The following PIWIL4 variants were observed in gnomAD, a reference collection of about 807,000 sequenced individuals.
PIWIL4 encodes the protein piwi-like protein 4.
Under a neutral mutation model 100.9 loss-of-function variants are expected in PIWIL4, and 50 were observed. The observed-to-expected ratio is 0.50, with a 90% confidence interval of 0.39 to 0.63. PIWIL4 has a LOEUF of 0.63. Ranked by LOEUF, PIWIL4 falls within the 20% of genes least tolerant of loss-of-function variation. The pLI, the probability that PIWIL4 is intolerant of heterozygous loss-of-function variation, is 0.00. For missense variants in PIWIL4, 887 were observed against 1,043.3 expected (o/e 0.85, Z 2.06); for synonymous variants, 342 against 367.5 (o/e 0.93, Z 0.79).
In PIWIL4 at chr11:94,602,958, T is replaced by G. The variant is rs535171050; in HGVS notation, c.1565+979T>G. On this transcript the variant is annotated intron_variant, in intron 12 of 19. Transcript: ENST00000299001. ...ATCCTGGGCTGACATCACAGGCTCT[T>G]TCTCATGTGAATTCTGGAACAAGCC... is the stretch of plus-strand genomic sequence containing the variant. Among the ~76,000 whole-genome samples, 8 of 152,354 alleles carry G rather than the reference T, an allele frequency of 5.3e-5. No homozygotes were observed. The East Asian group carries it at 1.5e-3, about 29-fold the overall frequency.
At position 94,611,443 on chromosome 11, in the gene PIWIL4, T is replaced by C. The variant is rs1203904566; in HGVS notation, c.1943+2757T>C. Among the ~76,000 whole-genome samples the C allele has an allele frequency of 2.6e-5, 4 of 152,354 alleles. No homozygotes were observed. The East Asian group carries it at 7.7e-4, about 29-fold the overall frequency. On this transcript the variant is annotated intron_variant, in intron 15 of 19. Coordinates refer to ENST00000299001, the MANE Select transcript of PIWIL4 (RefSeq NM_152431.3). ...TTGCTGCATCCCATAAGTTTTAGTA[T>C]GTTGTGTTTCTATATTTCAATTTTG...
intron 3 of PIWIL4, 87 bp from the exon 4 acceptor site, chr11:94,577,191 A>C: frequency 4.5e-6 from 5 of 1,102,112 alleles, no homozygotes; most frequent in Non-Finnish European, 6.6e-6. Flanking sequence ...TACTATGCAT[A>C]GGCAAATACA....
At chr11:94,603,929 G>T in intron 12 of PIWIL4, 55 bp from the exon 13 acceptor site, 4 of 1,066,576 alleles carry the variant, frequency 3.8e-6, no homozygotes, top group Non-Finnish European at 5.7e-6. Flanking sequence ...TGCCATATAA[G>T]TATGTGCTAC....
Position 94,589,218 on chromosome 11 carries a change from G to T in PIWIL4, c.1012G>T (p.Asp338Tyr), listed in dbSNP as rs1396815965. 2.5e-6 allele frequency: 4 copies of T among 1,601,800 alleles called. No individual in the cohort carries two copies. Among genetic ancestry groups the T allele is most frequent in the Non-Finnish European group, 3.4e-6 (4 of 1,168,976 alleles). The change falls in exon 8 of 20, where the codon GAT becomes TAT. Residue 338 changes from aspartate to tyrosine, a missense_variant. Physicochemically the swap from Asp to Tyr is radical, Grantham distance 160 (BLOSUM62 -3). Coordinates refer to ENST00000299001, the MANE Select transcript of PIWIL4 (RefSeq NM_152431.3). ...KRDGTEITYV[D>Y]YYKQQYDITV... ...GGATGGCACCGAGATCACCTATGTGGATTACTACAAGCAGGTAGGACTTTT... is the reference window on the plus strand; with the variant it reads ...GGATGGCACCGAGATCACCTATGTGTATTACTACAAGCAGGTAGGACTTTT...
At chr11:94,608,828 C>A (rs964783167) in intron 15 of PIWIL4, 142 bp downstream of exon 15, 9 of 719,282 alleles carry the variant, frequency 1.3e-5, no homozygotes, top group Non-Finnish European at 2.1e-5. Flanking sequence ...ATTACACTTA[C>A]ATATAAAAAT....
rs117874900 is a variant in PIWIL4, at chr11:94,604,763, T to C, written c.1638+707T>C. Among the ~76,000 whole-genome samples the C allele has an allele frequency of 1.3e-3, 200 of 152,324 alleles. 2 individuals are homozygous for C. In the East Asian group the frequency reaches 0.03, roughly 23 times the overall value. ...TCCTGTCCATTCCATCTACCCTTCT[T>C]ACCTCCCTCGCTCACTCAGTTCAAC... On this transcript the variant is annotated intron_variant, in intron 13 of 19. Coordinates refer to ENST00000299001, the MANE Select transcript of PIWIL4 (RefSeq NM_152431.3).
intron 1 of PIWIL4, among the ~76,000 whole-genome samples, chr11:94,568,206 A>C (rs1370125897): frequency 9.2e-5 from 14 of 151,988 alleles, no homozygotes; most frequent in Non-Finnish European, 1.8e-4. Flanking sequence ...TCTTCTCTGG[A>C]CTTTGTTCAT....
chr11:94,574,712 G>C (rs117436641), intron 2 of PIWIL4, among the ~76,000 whole-genome samples: 388 of 152,160 alleles, frequency 2.5e-3, no homozygotes, highest in Non-Finnish European at 4.1e-3. Flanking sequence ...TAACTCCTGA[G>C]CTCAAGCGAT....
At chr11:94,614,386 A>C (rs1185698666) in intron 15 of PIWIL4, among the ~76,000 whole-genome samples, 2 of 143,884 alleles carry the variant, frequency 1.4e-5, no homozygotes, top group Admixed American at 7.1e-5. Context: ...CAGCTCACTG[A>C]AACCTCTGCC....
At chr11:94,604,816 C>G (rs1365446144) in intron 13 of PIWIL4, among the ~76,000 whole-genome samples, 1 of 152,150 alleles carries the variant, frequency 6.6e-6, no homozygotes, top group Non-Finnish European at 1.5e-5. Flanking sequence ...TTATGTCATG[C>G]AAACTAACTG....
At chr11:94,568,691 C>T in intron 1 of PIWIL4, 39 bp from the exon 2 acceptor site, 1 of 1,466,584 alleles carries the variant, frequency 6.8e-7, no homozygotes, top group Non-Finnish European at 9.6e-7. Flanking sequence ...TGTGACTTAC[C>T]ATTGTAAATC....
intron 8 of PIWIL4, among the ~76,000 whole-genome samples, chr11:94,589,947 T>C (rs527844782): frequency 3.9e-4 from 60 of 152,374 alleles, no homozygotes; most frequent in African/African-American, 1.4e-3. Context: ...TGATGGAATC[T>C]GTTGCTGCCT....
chr11:94,594,783 C>T (rs1271070), intron 9 of PIWIL4, among the ~76,000 whole-genome samples: 59,640 of 151,918 alleles, frequency 0.39, 12,367 homozygotes, highest in African/African-American at 0.53. Flanking sequence ...CCACCCGCCT[C>T]GGCCTCCCAA....
chr11:94,616,547 G>T lies in PIWIL4; in HGVS notation c.1998G>T (p.Leu666Phe), dbSNP rs756514537. The T allele has an allele frequency of 6.3e-5, 101 of 1,608,098 alleles. No individual in the cohort carries two copies. The highest frequency in any genetic ancestry group is 8.1e-5 in the Non-Finnish European group (95 of 1,177,844). ...CAATGACTGATGTTGCAGATTGCTT[G>T]AAAGTTTTCATGACTGGTACTAAAA... ...QRTMTDVADC[L>F]KVFMTGALNK... is the part of the protein sequence containing the mutation. Residue 666 changes from leucine to phenylalanine, a missense_variant, in exon 16 of 20, where the codon TTG becomes TTT. By Grantham distance (22) the Leu-to-Phe change is conservative. Coordinates refer to ENST00000299001, the MANE Select transcript of PIWIL4 (RefSeq NM_152431.3).
intron 9 of PIWIL4, among the ~76,000 whole-genome samples, chr11:94,594,465 C>CA (rs1565276807): frequency 1.8e-4 from 21 of 119,142 alleles, no homozygotes; most frequent in Admixed American, 2.5e-4. Flanking sequence ...GACTCTGTCT[C>CA]CAAAAAAAAA....
chr11:94,593,498 A>C lies in PIWIL4; in HGVS notation c.1027-20A>C. The C allele has an allele frequency of 3.1e-6, 5 of 1,608,590 alleles. No individual in the cohort carries two copies. The highest frequency in any genetic ancestry group is 4.2e-6 in the Non-Finnish European group (5 of 1,177,364). On this transcript the variant is annotated intron_variant, in intron 8 of 19. Coordinates refer to ENST00000299001, the MANE Select transcript of PIWIL4 (RefSeq NM_152431.3). ...GTGCTTCCATGTTAACTTTTTACTT[A>C]TTAATCTTGCATTTTATAGCAGTAT...
rs1472188679 is a variant in PIWIL4 at position 94,575,082 on chromosome 11, A to C, written c.250A>C (p.Ser84Arg). 6.2e-7 allele frequency: 1 copy of C among 1,614,038 alleles called. No individual in the cohort carries two copies. The highest frequency in any genetic ancestry group is 8.5e-7 in the Non-Finnish European group (1 of 1,179,944). ...AAACAAACAGGACTTTATGGATTTGAGTATCTGTACCAGAGAAAAATTGGC... is the reference window on the plus strand; with the variant it reads ...AAACAAACAGGACTTTATGGATTTGCGTATCTGTACCAGAGAAAAATTGGC... ...VKNKQDFMDL[S>R]ICTREKLAHV... is the part of the protein sequence containing the mutation. Residue 84 changes from serine (S) to arginine (R), a missense_variant, in exon 3 of 20, where the codon AGT becomes CGT. Ser to Arg is a moderately radical substitution (Grantham distance 110, BLOSUM62 -1). Around this residue, in one of 2 missense-constraint regions of PIWIL4, gnomAD observed 146 missense variants for 113.4 expected, o/e 1.29. Coordinates refer to ENST00000299001, the MANE Select transcript of PIWIL4 (RefSeq NM_152431.3).
chr11:94,583,790 G>A (rs985445694), intron 5 of PIWIL4, among the ~76,000 whole-genome samples: 1 of 152,174 alleles, frequency 6.6e-6, no homozygotes, highest in African/African-American at 2.4e-5. Flanking sequence ...ATTGTCCTAA[G>A]TTGAGACAAA....
chr11:94,570,642 G>C (rs897740746), intron 2 of PIWIL4, among the ~76,000 whole-genome samples: 1 of 152,110 alleles, frequency 6.6e-6, no homozygotes, highest in Non-Finnish European at 1.5e-5. Flanking sequence ...TGTAATCCCA[G>C]CACTTTGAGA....
Sources: gnomAD v4.1 joint callset for allele counts (sites outside exome capture counted in the v4.1 genomes callset) on GRCh38, gnomAD v4.1.1 for gene constraint, gnomAD v4.1.1 regional missense constraint, MANE v1.5 for transcripts, NCBI Gene and HGNC (gene_info 2026-07-23, HGNC 2026-07-21) for gene names.